Variants in SCT observed in about 807,000 individuals in gnomAD.
SCT encodes secretin.
In SCT, 17 loss-of-function variants were observed where a neutral mutation model predicts 10.9. The observed-to-expected ratio is 1.55, with a 90% CI of 1.06 to 2.33. The LOEUF (loss-of-function observed/expected upper bound fraction) is 2.33. Ranked by LOEUF, SCT falls within the 30% of genes most tolerant of loss-of-function variation. The pLI, the probability that SCT is intolerant of heterozygous loss-of-function variation, is 0.00. For missense variants in SCT, 230 were observed against 165.9 expected (o/e 1.39, Z -2.12); for synonymous variants, 96 against 73.9 (o/e 1.30, Z -1.54).
chr11:626,394 G>A lies in SCT; in HGVS notation c.*37C>T, dbSNP rs748309049. On this transcript the variant is annotated 3_prime_UTR_variant, in exon 4 of 4. Coordinates refer to ENST00000176195, the MANE Select transcript of SCT (RefSeq NM_021920.4). ...TGCCCCCCACCCCAAATGCAGCTGC[G>A]CTCCTGGGCCGGGCAGGTGGTGAGG... The A allele has an allele frequency of 1.1e-5, 16 of 1,484,702 alleles. No individual in the cohort carries two copies. Among genetic ancestry groups the A allele is most frequent in the East Asian group, 2.5e-5 (1 of 40,518 alleles). 92.0% of individuals were successfully genotyped at this position (1,484,702 alleles called of 1,614,324 possible).
chr11:626,560 G>C (rs1254474957), intron 3 of SCT, 30 bp from the exon 4 acceptor site: 11 of 1,531,198 alleles, frequency 7.2e-6, no homozygotes, highest in East Asian at 2.5e-5. Flanking sequence ...GGGTCTGAGG[G>C]CTGGGGCTGG....
rs1413321133 is a variant in SCT at position 626,696 on chromosome 11, C to T, written c.266+1G>A. ...GGGTCTGCGGTGGGGCGGGTGCTCA[C>T]CAGGCCTGCAGGATGGGCATGTTGG... On this transcript the variant is annotated splice_donor_variant, in intron 3 of 3. Coordinates refer to ENST00000176195, the MANE Select transcript of SCT (RefSeq NM_021920.4). LOFTEE classifies it high-confidence loss of function. The T allele has an allele frequency of 1.9e-6, 3 of 1,547,346 alleles. No individual in the cohort carries two copies. Among genetic ancestry groups the T allele is most frequent in the Non-Finnish European group, 8.7e-7 (1 of 1,144,690 alleles).
At chr11:626,571 A>G in intron 3 of SCT, 41 bp from the exon 4 acceptor site, 2 of 1,506,168 alleles carry the variant, frequency 1.3e-6, no homozygotes, top group Non-Finnish European at 1.8e-6. Context: ...CTGGGGCTGG[A>G]GACCCCGGCC....
chr11:626,346 A>T lies in SCT; in HGVS notation c.*85T>A. The T allele has an allele frequency of 4.0e-6, 4 of 989,896 alleles. No individual in the cohort carries two copies. The highest frequency in any genetic ancestry group is 3.0e-5 in the South Asian group (2 of 67,756). 61.3% of individuals were successfully genotyped at this position (989,896 alleles called of 1,614,324 possible). A position where few individuals can be genotyped will look rare whatever the true frequency, so the allele number is the denominator to read the frequency against. On this transcript the variant is annotated 3_prime_UTR_variant, in exon 4 of 4. Coordinates refer to ENST00000176195, the MANE Select transcript of SCT (RefSeq NM_021920.4). ...TCCTCCTTTATTGGTGCCAAGTACC[A>T]CCCCTCCCCCTCTCCCCCATCCTGC... is the stretch of plus-strand genomic sequence containing the variant.
In SCT at chr11:627,147, G is replaced by A. The variant is rs1410149872; in HGVS notation, c.-4C>T. 11 of 1,088,178 alleles carry A rather than the reference G, an allele frequency of 1.0e-5. No homozygotes were observed. In the African/African-American group the frequency reaches 1.3e-4, roughly 13 times the overall value. 67.4% of individuals were successfully genotyped at this position (1,088,178 alleles called of 1,614,324 possible). A position where few individuals can be genotyped will look rare whatever the true frequency, so the allele number is the denominator to read the frequency against. On this transcript the variant is annotated 5_prime_UTR_variant, in exon 1 of 4. Transcript: ENST00000176195. ...GCAGGAGGGGCCGGGGGGCCATGGC[G>A]GGGTCGGGGCGCAGGAGCTGAGCGC...
chr11:626,653 G>C (rs1440618693), intron 3 of SCT, 44 bp downstream of exon 3: 1 of 1,497,216 alleles, frequency 6.7e-7, no homozygotes, highest in East Asian at 2.5e-5. Context: ...GGAGGGGTCT[G>C]GGGTGGGGTC....
Position 627,046 on chromosome 11 carries a change from GGCGGGCGGGCCT to G in SCT, c.71+15_71+26del, listed in dbSNP as rs1343207715. On this transcript the variant is annotated intron_variant, in intron 1 of 3. Coordinates refer to ENST00000176195, the MANE Select transcript of SCT (RefSeq NM_021920.4). ...CACTGGGGGCGGGTGGGGCCCGGGGGGCGGGCGGGCCTGGCGGGCGGCTCACCTGGGGGGCGC... is the reference window on the plus strand; with the variant it reads ...CACTGGGGGCGGGTGGGGCCCGGGGGGGCGGGCGGCTCACCTGGGGGGCGC... 4.1e-5 allele frequency: 51 copies of G among 1,231,898 alleles called. No individual in the cohort carries two copies. Among genetic ancestry groups the G allele is most frequent in the Non-Finnish European group, 4.4e-5 (43 of 968,636 alleles). 76.3% of individuals were successfully genotyped at this position (1,231,898 alleles called of 1,614,324 possible).
Position 626,746 on chromosome 11 carries a change from C to A in SCT, c.217G>T (p.Ala73Ser). Residue 73 changes from alanine (A) to serine (S), a missense_variant, in exon 3 of 4, where the codon GCG becomes TCG. Transcript: ENST00000176195. ...GACCCTGACGGGCAGAGCAGACCCG[C>A]GCTGAGCCTGGTCCAGGCCATGCTG... ...ENSMAWTRLSAGLLCPSGSNM... is the reference protein window; with the variant it reads ...ENSMAWTRLSSGLLCPSGSNM... The A allele has an allele frequency of 6.4e-7, 1 of 1,550,606 alleles. No homozygotes were observed. Among genetic ancestry groups the A allele is most frequent in the African/African-American group, 1.4e-5 (1 of 73,140 alleles).
chr11:627,041 C>CT, intron 1 of SCT, 32 bp downstream of exon 1: 1 of 358,118 alleles, frequency 2.8e-6, no homozygotes, highest in Non-Finnish European at 4.1e-6. Flanking sequence ...GGGTGGGGCC[C>CT]GGGGGGCGGG....
chr11:626,392 G>C lies in SCT; in HGVS notation c.*39C>G. 1 of 1,472,676 alleles carries C rather than the reference G, an allele frequency of 6.8e-7. No individual in the cohort carries two copies. The highest frequency in any genetic ancestry group is 9.3e-7 in the Non-Finnish European group (1 of 1,077,558). The allele number at this position is 1,472,676 out of a possible 1,614,324, so 91.2% of individuals were successfully genotyped here. Reference sequence around the variant, plus strand: ...CCTGCCCCCCACCCCAAATGCAGCTGCGCTCCTGGGCCGGGCAGGTGGTGA... The same window carrying C: ...CCTGCCCCCCACCCCAAATGCAGCTCCGCTCCTGGGCCGGGCAGGTGGTGA... On this transcript the variant is annotated 3_prime_UTR_variant, in exon 4 of 4. Transcript: ENST00000176195.
intron 3 of SCT, 53 bp downstream of exon 3, chr11:626,644 G>T: frequency 6.7e-7 from 1 of 1,489,436 alleles, no homozygotes; most frequent in Non-Finnish European, 9.1e-7. Context: ...AGGACAGAAG[G>T]AGGGGTCTGG....
At chr11:627,041 CGGGGGG>C in intron 1 of SCT, 26 bp downstream of exon 1, 1 of 358,108 alleles carries the variant, frequency 2.8e-6, no homozygotes, top group Non-Finnish European at 4.1e-6. Context: ...GGGTGGGGCC[CGGGGGG>C]CGGGCGGGCC....
In SCT at chr11:626,837, G is replaced by A. The variant is rs996583306; in HGVS notation, c.174-48C>T. 3 of 1,543,800 alleles carry A rather than the reference G, an allele frequency of 1.9e-6. No individual in the cohort carries two copies. In the African/African-American group the frequency reaches 4.1e-5, roughly 21 times the overall value. Reference sequence around the variant, plus strand: ...GTTAGTCCTGGAGCTGGGGGGTCGCGCGTTGCTGCTGGGGCACCACGCCAG... The same window carrying A: ...GTTAGTCCTGGAGCTGGGGGGTCGCACGTTGCTGCTGGGGCACCACGCCAG... On this transcript the variant is annotated intron_variant, in intron 2 of 3. Transcript: ENST00000176195.
rs1233465592 is a variant in SCT, at chr11:626,446, G to T, written c.351C>A (p.Thr117=). The change falls in exon 4 of 4, where the codon ACC becomes ACA. Residue 117 remains threonine (T), a synonymous_variant. Transcript: ENST00000176195. ...GGTTCCTTCCTCATCTGGGCCGCAAGGTTCCTTCTGCAGCAGCGCCAGCTG... is the reference window on the plus strand; with the variant it reads ...GGTTCCTTCCTCATCTGGGCCGCAATGTTCCTTCTGCAGCAGCGCCAGCTG... ...SEPAGAAAEG[T]LRPR is the part of the protein sequence containing the mutation. 4.5e-5 allele frequency: 70 copies of T among 1,553,326 alleles called. No homozygotes were observed. The highest frequency in any genetic ancestry group is 5.9e-5 in the Non-Finnish European group (68 of 1,147,996).
rs943745323 is a variant in SCT at position 626,955 on chromosome 11, C to A, written c.106G>T (p.Glu36Ter). 1 of 1,494,832 alleles carries A rather than the reference C, an allele frequency of 6.7e-7. No homozygotes were observed. Among genetic ancestry groups the A allele is most frequent in the South Asian group, 1.2e-5 (1 of 83,480 alleles). The allele number at this position is 1,494,832 out of a possible 1,614,324, so 92.6% of individuals were successfully genotyped here. The change falls in exon 2 of 4, where the codon GAG becomes TAG. Residue 36 changes from glutamate (E) to a stop codon, truncating the protein, a stop_gained. Coordinates refer to ENST00000176195, the MANE Select transcript of SCT (RefSeq NM_021920.4). LOFTEE classifies it high-confidence loss of function. ...RRHSDGTFTS[E>*]LSRLREGARL... ...GCGCCCTCCCGCAGGCGGCTGAGCT[C>A]GCTGGTGAACGTCCCGTCTGAGTGT... is the stretch of plus-strand genomic sequence containing the variant.
At position 626,528 on chromosome 11, in the gene SCT, A is replaced by T. The variant is rs1015589368; in HGVS notation, c.269T>A (p.Met90Lys). 3.2e-6 allele frequency: 5 copies of T among 1,556,900 alleles called. No homozygotes were observed. The African/African-American group carries it at 5.5e-5, about 17-fold the overall frequency. Residue 90 changes from methionine (M) to lysine (K), a missense_variant and splice_region_variant, in exon 4 of 4, where the codon ATG (methionine) becomes AAG (lysine). Met to Lys is a moderately conservative substitution (Grantham distance 95, BLOSUM62 -1). Transcript: ENST00000176195. The part of the protein sequence containing the change: ...GSNMPILQAW[M>K]PLDGTWSPWL... ...GGGAGACCAGGTCCCGTCCAGGGGC[A>T]TCCTGCAGAGACAGCACGTGAGGGT...
Position 627,105 on chromosome 11 carries a change from G to GAGGAGCAGC in SCT, c.30_38dup (p.Leu11_Leu13dup). 1 of 1,108,466 alleles carries GAGGAGCAGC rather than the reference G, an allele frequency of 9.0e-7. No individual in the cohort carries two copies. Among genetic ancestry groups the GAGGAGCAGC allele is most frequent in the Non-Finnish European group, 1.1e-6 (1 of 904,782 alleles). The allele number at this position is 1,108,466 out of a possible 1,614,324, so 68.7% of individuals were successfully genotyped here. ...GCGCGGGGCGCGCGGCGGAGCCCCC[G>GAGGAGCAGC]AGGAGCAGCAGCAGCAGCAGGAGGG... On this transcript the variant is annotated inframe_insertion, in exon 1 of 4. Transcript: ENST00000176195.
chr11:626,975 G>C lies in SCT; in HGVS notation c.86C>G (p.Ser29Ter). The stretch of plus-strand genomic sequence containing the variant: ...GAGCTCGCTGGTGAACGTCCCGTCT[G>C]AGTGTCGCCGGGCCCTGCGGGCGGT... ...RPAPPRARRH[S>*]DGTFTSELSR... Residue 29 changes from serine to a stop codon, truncating the protein, a stop_gained, in exon 2 of 4, where the codon TCA becomes TGA. Transcript: ENST00000176195. LOFTEE classifies it high-confidence loss of function. The C allele has an allele frequency of 6.6e-7, 1 of 1,523,602 alleles. No individual in the cohort carries two copies. Among genetic ancestry groups the C allele is most frequent in the Non-Finnish European group, 8.8e-7 (1 of 1,140,122 alleles). 94.4% of individuals were successfully genotyped at this position (1,523,602 alleles called of 1,614,324 possible).
Position 626,517 on chromosome 11 carries a change from C to A in SCT, c.280G>T (p.Gly94Trp). The change falls in exon 4 of 4, where the codon GGG becomes TGG. Residue 94 changes from glycine to tryptophan, a missense_variant. Coordinates refer to ENST00000176195, the MANE Select transcript of SCT (RefSeq NM_021920.4). The part of the protein sequence containing the change: ...PILQAWMPLD[G>W]TWSPWLPPGP... ...GGGGGCAGCCAGGGAGACCAGGTCC[C>A]GTCCAGGGGCATCCTGCAGAGACAG... 1 of 1,559,416 alleles carries A rather than the reference C, an allele frequency of 6.4e-7. No homozygotes were observed. The highest frequency in any genetic ancestry group is 8.7e-7 in the Non-Finnish European group (1 of 1,151,480).
Sources: allele counts gnomAD v4.1 joint callset, GRCh38; gene constraint gnomAD v4.1.1; transcripts MANE v1.5; gene names NCBI Gene and HGNC (gene_info 2026-07-23, HGNC 2026-07-21).